Variants in SHB observed in about 807,000 individuals in gnomAD.
SHB encodes SH2 domain-containing adapter protein B.
A neutral mutation model predicts 52.3 loss-of-function variants in SHB; 20 were observed. The observed-to-expected ratio is 0.38, with a 90% CI of 0.27 to 0.56. SHB has a LOEUF of 0.56. Ranked by LOEUF, SHB falls within the 20% of genes least tolerant of loss-of-function variation. SHB has a pLI of 0.71. For synonymous variants in SHB, 397 were observed against 316.5 expected, an observed-to-expected ratio of 1.25 and a Z score of -2.70; for missense variants, 825 against 723.3, an observed-to-expected ratio of 1.14 and a Z score of -1.61.
rs980833283 is a variant in SHB, at chr9:38,029,938, T to A, written c.718-13807A>T. On this transcript the variant is annotated intron_variant, in intron 1 of 5. Coordinates refer to ENST00000377707, the MANE Select transcript of SHB (RefSeq NM_003028.3). ...ACCTAGATGTACACGTGCATGCGTG[T>A]ACACAAGCAAGTATGCCCACACTCC... is the stretch of plus-strand genomic sequence containing the variant. Among the ~76,000 whole-genome samples, 7 of 152,214 alleles carry A rather than the reference T, an allele frequency of 4.6e-5. 1 individual carries two copies. Among genetic ancestry groups the A allele is most frequent in the Non-Finnish European group, 1.0e-4 (7 of 68,034 alleles).
At chr9:37,985,836 C>T (rs566665018) in intron 2 of SHB, among the ~76,000 whole-genome samples, 90 of 132,260 alleles carry the variant, frequency 6.8e-4, no homozygotes, top group African/African-American at 2.6e-3. Flanking sequence ...CGTCTGTAAG[C>T]GCTGAGTTGG....
chr9:38,021,427 G>A (rs958597949), intron 1 of SHB, among the ~76,000 whole-genome samples: 1 of 152,114 alleles, frequency 6.6e-6, no homozygotes, highest in African/African-American at 2.4e-5. Context: ...AGGCCGAGGT[G>A]GGCAGATAAC....
intron 1 of SHB, among the ~76,000 whole-genome samples, chr9:38,056,161 C>A (rs1322960944): frequency 6.6e-6 from 1 of 151,850 alleles, no homozygotes; most frequent in Non-Finnish European, 1.5e-5. Flanking sequence ...TCAAAAGGTA[C>A]CTGAAGATCA....
chr9:38,067,947 C>T lies in SHB; in HGVS notation c.699G>A (p.Gly233=). The T allele has an allele frequency of 5.2e-6, 8 of 1,543,680 alleles. No individual in the cohort carries two copies. The highest frequency in any genetic ancestry group is 6.9e-6 in the Non-Finnish European group (8 of 1,155,302). Reference sequence around the variant, plus strand: ...ACCTTACCTTGTCCTTCTTGCCGGCCCCGCTCTCCTCCGCGGCTGAGGCGG... The same window carrying T: ...ACCTTACCTTGTCCTTCTTGCCGGCTCCGCTCTCCTCCGCGGCTGAGGCGG... The part of the protein sequence containing the change: ...KCAASAAEES[G]AGKKDKVTIA... Residue 233 remains glycine (G), a synonymous_variant, in exon 1 of 6, where the codon GGG becomes GGA. Coordinates refer to ENST00000377707, the MANE Select transcript of SHB (RefSeq NM_003028.3).
intron 3 of SHB, among the ~76,000 whole-genome samples, chr9:37,971,705 C>T (rs1040544769): frequency 2.4e-4 from 37 of 152,178 alleles, no homozygotes; most frequent in Non-Finnish European, 1.0e-4. Context: ...TCAGACTGAC[C>T]GTGACACCTG....
intron 3 of SHB, among the ~76,000 whole-genome samples, chr9:37,968,435 C>T (rs1207239935): frequency 1.3e-5 from 2 of 152,240 alleles, no homozygotes; most frequent in East Asian, 3.8e-4. Context: ...CTGTCCTAAA[C>T]TTCTAGGGCA....
At chr9:37,938,777 A>G (rs1345285678) in intron 5 of SHB, among the ~76,000 whole-genome samples, 1 of 152,210 alleles carries the variant, frequency 6.6e-6, no homozygotes, top group African/African-American at 2.4e-5. Flanking sequence ...AGGGAACCCC[A>G]GCCTGTTGAC....
chr9:37,923,078 G>C (rs1832202289), intron 5 of SHB, among the ~76,000 whole-genome samples: 1 of 152,222 alleles, frequency 6.6e-6, no homozygotes, highest in African/African-American at 2.4e-5. Flanking sequence ...AAGCACCGAG[G>C]TGCAGAAAGG....
At chr9:37,929,647 G>A (rs1331177103) in intron 5 of SHB, among the ~76,000 whole-genome samples, 1 of 152,222 alleles carries the variant, frequency 6.6e-6, no homozygotes, top group African/African-American at 2.4e-5. Flanking sequence ...CTCCAGTTGG[G>A]CAGCCTGCCT....
intron 2 of SHB, among the ~76,000 whole-genome samples, chr9:38,010,210 C>T (rs897537407): frequency 2.6e-5 from 4 of 152,144 alleles, no homozygotes; most frequent in African/African-American, 7.2e-5. Flanking sequence ...CATCCCTATA[C>T]CTCATAGGCG....
chr9:37,920,156 A>G (rs1254588311), intron 5 of SHB, 152 bp from the exon 6 acceptor site: 10 of 634,656 alleles, frequency 1.6e-5, no homozygotes, highest in Middle Eastern at 8.6e-4. Context: ...CCAGGACCAG[A>G]TGAAATGCAG....
At chr9:38,011,910 G>C (rs962104031) in intron 2 of SHB, among the ~76,000 whole-genome samples, 2 of 152,186 alleles carry the variant, frequency 1.3e-5, no homozygotes, top group African/African-American at 4.8e-5. Context: ...TGGGGTGAGA[G>C]AGGCGATGGG....
intron 1 of SHB, among the ~76,000 whole-genome samples, chr9:38,055,864 C>CG (rs1821807556): frequency 1.3e-5 from 2 of 151,990 alleles, no homozygotes; most frequent in Non-Finnish European, 2.9e-5. Context: ...GCCCAGCCTC[C>CG]GGTATCAGAG....
At chr9:38,027,891 G>C (rs1272808039) in intron 1 of SHB, among the ~76,000 whole-genome samples, 1 of 152,012 alleles carries the variant, frequency 6.6e-6, no homozygotes, top group Non-Finnish European at 1.5e-5. Flanking sequence ...CCAGGGCAGG[G>C]GGTGCCTCCT....
chr9:37,971,633 A>G (rs1181458863), intron 3 of SHB, among the ~76,000 whole-genome samples: 3 of 152,186 alleles, frequency 2.0e-5, no homozygotes, highest in Non-Finnish European at 2.9e-5. Flanking sequence ...GAGGCCAGTG[A>G]CCGGATGAGA....
chr9:37,918,487 C>CTGTG lies in SHB; in HGVS notation c.*1330_*1333dup, dbSNP rs35453970. On this transcript the variant is annotated 3_prime_UTR_variant, in exon 6 of 6. Transcript: ENST00000377707. The stretch of plus-strand genomic sequence containing the variant: ...TGGAAGCAGTGTGGACCACTGAGGG[C>CTGTG]TGTGTGTGTGTGTGTGTGTGTGTGT... 9.5e-3 allele frequency among the ~76,000 whole-genome samples: 430 copies of CTGTG among 45,502 alleles called. 15 individuals are homozygous for CTGTG. The East Asian group carries it at 0.13, about 14-fold the overall frequency. The allele number at this position is 45,502 out of a possible 152,430, so 29.9% of individuals were successfully genotyped here. A position where few individuals can be genotyped will look rare whatever the true frequency, so the allele number is the denominator to read the frequency against.
intron 3 of SHB, 60 bp from the exon 4 acceptor site, chr9:37,956,114 G>A (rs1009426104): frequency 1.4e-6 from 2 of 1,470,246 alleles, no homozygotes; most frequent in Admixed American, 2.0e-5. Flanking sequence ...GCTACTGTGA[G>A]GCACAGAAGG....
At chr9:38,035,446 A>G (rs535499462) in intron 1 of SHB, among the ~76,000 whole-genome samples, 1 of 152,090 alleles carries the variant, frequency 6.6e-6, no homozygotes, top group Admixed American at 6.5e-5. Flanking sequence ...GGGATAGGGG[A>G]GCCAGTGTTG....
At chr9:37,988,077 G>T (rs1820833371) in intron 2 of SHB, among the ~76,000 whole-genome samples, 1 of 152,202 alleles carries the variant, frequency 6.6e-6, no homozygotes. Context: ...TTGACAATGT[G>T]CCCAGTGCCC....
Sources: allele counts gnomAD v4.1 joint callset (sites outside exome capture counted in the v4.1 genomes callset), GRCh38; gene constraint gnomAD v4.1.1; transcripts MANE v1.5; gene names NCBI Gene and HGNC (gene_info 2026-07-23, HGNC 2026-07-21).